ZFYVE9: variants seen among roughly 807,000 people sequenced by gnomAD.
ZFYVE9 encodes the protein zinc finger FYVE-type containing 9.
Under a neutral mutation model 126.7 loss-of-function variants are expected in ZFYVE9, and 43 were observed. That is an observed-to-expected ratio of 0.34 (90% CI 0.27 to 0.44). ZFYVE9 has a LOEUF of 0.44. Among genes scored for constraint, ZFYVE9 ranks in the 20% least tolerant of loss-of-function variants. ZFYVE9 has a pLI of 1.00. For synonymous variants in ZFYVE9, 521 were observed against 597.4 expected (o/e 0.87, Z 1.87); for missense variants, 1,476 against 1,697.0 (o/e 0.87, Z 2.29).
intron 1 of ZFYVE9, among the ~76,000 whole-genome samples, chr1:52,185,366 A>G (rs1007440479): frequency 3.3e-5 from 5 of 152,324 alleles, no homozygotes; most frequent in African/African-American, 1.2e-4. Context: ...GTAAATTCCC[A>G]TGGAAAGACT....
rs1056907948 is a variant in ZFYVE9 at position 52,142,259 on chromosome 1, GCCGCAGCTGCGGCTA to G, written c.-278_-264del. Reference sequence around the variant, plus strand: ...GTGCCGGGCCTTAGCAGCAGTAGCAGCCGCAGCTGCGGCTACCGCAGCTCCTACAGGAGTGGGAGG... The same window carrying G: ...GTGCCGGGCCTTAGCAGCAGTAGCAGCCGCAGCTCCTACAGGAGTGGGAGG... On this transcript the variant is annotated 5_prime_UTR_variant, in exon 1 of 19. Transcript: ENST00000287727. The surrounding 1 kb of genome is among the most constrained non-coding windows in gnomAD (Gnocchi z 4.5). 16 of 151,714 alleles carry G rather than the reference GCCGCAGCTGCGGCTA, an allele frequency of 1.1e-4. No individual in the cohort carries two copies. Among genetic ancestry groups the G allele is most frequent in the Non-Finnish European group, 1.8e-4 (12 of 67,872 alleles). The allele number at this position is 151,714 out of a possible 1,614,324, so 9.4% of individuals were successfully genotyped here.
Position 52,170,997 on chromosome 1 carries a change from A to T in ZFYVE9, c.-143+28594A>T, listed in dbSNP as rs552323785. Among the ~76,000 whole-genome samples, 6 of 151,478 alleles carry T rather than the reference A, an allele frequency of 4.0e-5. No individual in the cohort carries two copies. In the East Asian group the frequency reaches 1.2e-3, roughly 29 times the overall value. Reference sequence around the variant, plus strand: ...TGTTCTATAGTGCAGATTAAGTCCGATGGTTTTTTTTTTTTAATTATACTT... The same window carrying T: ...TGTTCTATAGTGCAGATTAAGTCCGTTGGTTTTTTTTTTTTAATTATACTT... On this transcript the variant is annotated intron_variant, in intron 1 of 18. Coordinates refer to ENST00000287727, the MANE Select transcript of ZFYVE9 (RefSeq NM_004799.4).
At chr1:52,199,538 A>G (rs955134692) in intron 1 of ZFYVE9, among the ~76,000 whole-genome samples, 12 of 152,126 alleles carry the variant, frequency 7.9e-5, no homozygotes, top group African/African-American at 2.9e-4. Context: ...TGCTGAATCT[A>G]TTGTATGGAT....
At chr1:52,153,619 G>A (rs1389461015) in intron 1 of ZFYVE9, among the ~76,000 whole-genome samples, 1 of 152,160 alleles carries the variant, frequency 6.6e-6, no homozygotes, top group East Asian at 1.9e-4. Flanking sequence ...CTGAGGATGA[G>A]GGTTAATTAA....
chr1:52,265,215 G>A (rs535642415), intron 5 of ZFYVE9, among the ~76,000 whole-genome samples: 1 of 152,190 alleles, frequency 6.6e-6, no homozygotes, highest in Non-Finnish European at 1.5e-5. Flanking sequence ...GCATGGCTTA[G>A]CCCGGTCTTT....
intron 13 of ZFYVE9, among the ~76,000 whole-genome samples, chr1:52,309,945 T>A (rs78609321): frequency 6.6e-6 from 1 of 152,160 alleles, no homozygotes; most frequent in Non-Finnish European, 1.5e-5. Context: ...TCCTTGTTGG[T>A]TAAGGTCACC....
chr1:52,305,892 C>G (rs1646079478), intron 13 of ZFYVE9, among the ~76,000 whole-genome samples: 1 of 152,192 alleles, frequency 6.6e-6, no homozygotes. Flanking sequence ...ACACCAGTGC[C>G]CTGCCGCCTT....
At chr1:52,182,142 CG>C (rs916240789) in intron 1 of ZFYVE9, among the ~76,000 whole-genome samples, 26 of 152,018 alleles carry the variant, frequency 1.7e-4, no homozygotes, top group African/African-American at 6.0e-4. Context: ...GTCAGCCCCC[CG>C]CCCGGCCAGC....
chr1:52,239,799 C>T (rs1170797959), intron 4 of ZFYVE9, among the ~76,000 whole-genome samples: 2 of 151,944 alleles, frequency 1.3e-5, no homozygotes, highest in African/African-American at 4.8e-5. Context: ...TTTGTTGCCA[C>T]GATTTATGCT....
At chr1:52,275,071 ATAT>A (rs1645732002) in intron 8 of ZFYVE9, among the ~76,000 whole-genome samples, 1 of 152,186 alleles carries the variant, frequency 6.6e-6, no homozygotes, top group South Asian at 2.1e-4. Context: ...AGAATGCTTA[ATAT>A]TATGTGAAAT....
chr1:52,281,248 T>G (rs1184898400), intron 9 of ZFYVE9, among the ~76,000 whole-genome samples: 2 of 151,540 alleles, frequency 1.3e-5, no homozygotes, highest in South Asian at 2.1e-4. Context: ...TTCTCCTGCC[T>G]CAGCCTCCCG....
chr1:52,180,134 G>A, intron 1 of ZFYVE9: 1 of 1,077,764 alleles, frequency 9.3e-7, no homozygotes, highest in Non-Finnish European at 1.4e-6. Context: ...TCTCAGGGAA[G>A]GATTATGTTC....
chr1:52,293,776 C>A, intron 11 of ZFYVE9, 99 bp downstream of exon 11: 1 of 1,186,938 alleles, frequency 8.4e-7, no homozygotes, highest in Non-Finnish European at 1.2e-6. Context: ...CAGAAATAGT[C>A]TTTTGAAATA....
chr1:52,330,997 G>A (rs901710154), intron 13 of ZFYVE9, among the ~76,000 whole-genome samples: 4 of 152,082 alleles, frequency 2.6e-5, no homozygotes, highest in African/African-American at 9.7e-5. Flanking sequence ...CTCCCAAGTA[G>A]CTGGAATTAC....
intron 13 of ZFYVE9, among the ~76,000 whole-genome samples, chr1:52,332,324 A>T (rs1283186302): frequency 6.6e-6 from 1 of 152,200 alleles, no homozygotes; most frequent in Non-Finnish European, 1.5e-5. Flanking sequence ...AAACAATTTG[A>T]ATTTCATATG....
intron 4 of ZFYVE9, among the ~76,000 whole-genome samples, chr1:52,255,918 C>A (rs562025935): frequency 1.1e-3 from 93 of 81,498 alleles, no homozygotes; most frequent in African/African-American, 6.2e-3. Context: ...CTTTTCTTTT[C>A]TTTTCTTTTC....
intron 7 of ZFYVE9, among the ~76,000 whole-genome samples, chr1:52,273,449 T>A (rs932430139): frequency 1.3e-5 from 2 of 152,214 alleles, no homozygotes; most frequent in African/African-American, 4.8e-5. Flanking sequence ...TATTTAATAA[T>A]TAAGTGGATT....
chr1:52,264,012 T>C (rs1273296369), intron 5 of ZFYVE9, 140 bp downstream of exon 5: 3 of 444,518 alleles, frequency 6.7e-6, no homozygotes, highest in African/African-American at 4.1e-5. Flanking sequence ...AATATTTAGC[T>C]AAATTTCCAT....
chr1:52,266,753 C>T lies in ZFYVE9; in HGVS notation c.2377C>T (p.Gln793Ter). 1.2e-6 allele frequency: 2 copies of T among 1,612,372 alleles called. No individual in the cohort carries two copies. The highest frequency in any genetic ancestry group is 1.7e-6 in the Non-Finnish European group (2 of 1,179,320). The change falls in exon 6 of 19, where the codon CAG becomes TAG. Residue 793 changes from glutamine (Q) to a stop codon, truncating the protein, a stop_gained. Transcript: ENST00000287727. LOFTEE classifies it high-confidence loss of function. Reference sequence around the variant, plus strand: ...TACTATCCCTCCCTTGCAGCAAGCTCAGGCCTCAGGAGCTCTGAGCTCTCC... The same window carrying T: ...TACTATCCCTCCCTTGCAGCAAGCTTAGGCCTCAGGAGCTCTGAGCTCTCC... ...CSTIPPLQQA[Q>*]ASGALSSPPP...
Sources: gnomAD v4.1 joint callset for allele counts (sites outside exome capture counted in the v4.1 genomes callset) on GRCh38, gnomAD v4.1.1 for gene constraint, Gnocchi (gnomAD v3.1) non-coding constraint, MANE v1.5 for transcripts, NCBI Gene and HGNC (gene_info 2026-07-23, HGNC 2026-07-21) for gene names.